Variants in LINGO2 observed in about 807,000 individuals in gnomAD.
LINGO2 encodes leucine-rich repeat and immunoglobulin-like domain-containing nogo receptor-interacting protein 2.
LINGO2 carries 14 observed loss-of-function variants against 30.6 expected under a neutral mutation model. The ratio of observed to expected loss-of-function variants is 0.46; its 90% CI spans 0.30 to 0.72. The LOEUF (loss-of-function observed/expected upper bound fraction) is 0.72. Ranked by LOEUF, LINGO2 falls within the 30% of genes least tolerant of loss-of-function variation. LINGO2 has a pLI of 0.07. For synonymous variants in LINGO2, 317 were observed against 288.5 expected (o/e 1.10, Z -1.00); for missense variants, 729 against 751.7 (o/e 0.97, Z 0.35).
intron 2 of LINGO2, among the ~76,000 whole-genome samples, chr9:28,450,853 T>A (rs1824620816): frequency 6.6e-6 from 1 of 151,938 alleles, no homozygotes; most frequent in African/African-American, 2.4e-5. Context: ...ATTATAAAAA[T>A]AAAAGTTAAA....
At chr9:28,691,249 G>T in the LINGO2 span, among the ~76,000 whole-genome samples, 1 of 152,154 alleles carries the variant, frequency 6.6e-6, no homozygotes, top group African/African-American at 2.4e-5. Flanking sequence ...TAAACTGTAT[G>T]ATGTCAATTT....
chr9:29,067,596 A>T, the LINGO2 span, among the ~76,000 whole-genome samples: 10 of 151,764 alleles, frequency 6.6e-5, no homozygotes, highest in East Asian at 1.2e-3. Flanking sequence ...TAAAATTTTT[A>T]AATTAGAAAA....
chr9:28,873,405 A>G, the LINGO2 span, among the ~76,000 whole-genome samples: 1 of 150,272 alleles, frequency 6.7e-6, no homozygotes, highest in Admixed American at 6.6e-5. Context: ...AAAAAAAAAA[A>G]GAAACTATTT....
chr9:29,168,027 T>C, the LINGO2 span, among the ~76,000 whole-genome samples: 5,049 of 152,158 alleles, frequency 0.033, 267 homozygotes, highest in African/African-American at 0.11. Flanking sequence ...CACTAGTACA[T>C]TGTTATTGTT....
chr9:29,134,453 A>AT, the LINGO2 span, among the ~76,000 whole-genome samples: 1 of 151,656 alleles, frequency 6.6e-6, no homozygotes, highest in Non-Finnish European at 1.5e-5. Flanking sequence ...TAACCATGTG[A>AT]TTTTTTTTAT....
At chr9:28,141,936 A>G (rs1827684258) in intron 4 of LINGO2, among the ~76,000 whole-genome samples, 1 of 152,170 alleles carries the variant, frequency 6.6e-6, no homozygotes. Context: ...TCTTAGCTAG[A>G]ATTGTTAACT....
At chr9:28,663,539 A>T (rs1005247415) in intron 1 of LINGO2, among the ~76,000 whole-genome samples, 5 of 152,162 alleles carry the variant, frequency 3.3e-5, no homozygotes, top group African/African-American at 1.2e-4. Flanking sequence ...GCAAACAACA[A>T]TTCACTGCAA....
intron 3 of LINGO2, among the ~76,000 whole-genome samples, chr9:28,366,436 T>C (rs1820681154): frequency 6.6e-6 from 1 of 152,208 alleles, no homozygotes; most frequent in Non-Finnish European, 1.5e-5. Flanking sequence ...TCTTGAACCT[T>C]TCAGCTCATG....
At chr9:28,039,028 A>C (rs904720688) in intron 4 of LINGO2, among the ~76,000 whole-genome samples, 2 of 152,188 alleles carry the variant, frequency 1.3e-5, no homozygotes, top group South Asian at 2.1e-4. Context: ...TGGCAAGGAA[A>C]GATCTTCCTT....
At chr9:28,998,958 C>T in the LINGO2 span, among the ~76,000 whole-genome samples, 3 of 152,068 alleles carry the variant, frequency 2.0e-5, no homozygotes, top group Non-Finnish European at 2.9e-5. Context: ...TAATCACAGG[C>T]CAGTTTTAAA....
At chr9:28,423,335 C>A (rs972465769) in intron 2 of LINGO2, among the ~76,000 whole-genome samples, 1 of 151,716 alleles carries the variant, frequency 6.6e-6, no homozygotes, top group Non-Finnish European at 1.5e-5. Flanking sequence ...CACTCTAGGT[C>A]TAAGAAATAA....
At chr9:28,452,376 AC>A (rs1195133723) in intron 2 of LINGO2, among the ~76,000 whole-genome samples, 1 of 151,826 alleles carries the variant, frequency 6.6e-6, no homozygotes, top group African/African-American at 2.4e-5. Context: ...CATGTGTGAA[AC>A]ATGTATTTCA....
chr9:28,998,644 AC>A, the LINGO2 span, among the ~76,000 whole-genome samples: 1 of 152,122 alleles, frequency 6.6e-6, no homozygotes, highest in African/African-American at 2.4e-5. Flanking sequence ...AGGAAAGTGT[AC>A]TTTCCTAGTC....
chr9:28,633,389 C>T (rs372867332), intron 1 of LINGO2, among the ~76,000 whole-genome samples: 8 of 152,144 alleles, frequency 5.3e-5, no homozygotes, highest in African/African-American at 1.7e-4. Flanking sequence ...GTGTAAAGCC[C>T]TAGCTCCAGA....
At chr9:29,151,383 G>A in the LINGO2 span, among the ~76,000 whole-genome samples, 1 of 152,046 alleles carries the variant, frequency 6.6e-6, no homozygotes, top group Non-Finnish European at 1.5e-5. Flanking sequence ...AATATGACAG[G>A]ATCAAAAGCT....
At chr9:29,111,015 T>C in the LINGO2 span, among the ~76,000 whole-genome samples, 1 of 152,214 alleles carries the variant, frequency 6.6e-6, no homozygotes, top group Non-Finnish European at 1.5e-5. Flanking sequence ...AAAAATAAGT[T>C]ACTAAGCAAA....
chr9:28,150,060 T>C (rs1827952663), intron 4 of LINGO2, among the ~76,000 whole-genome samples: 1 of 151,526 alleles, frequency 6.6e-6, no homozygotes, highest in African/African-American at 2.4e-5. Context: ...GAGGAGCGCC[T>C]CTGCCTGGCC....
chr9:28,300,434 C>A (rs768534162), intron 3 of LINGO2, among the ~76,000 whole-genome samples: 1 of 152,094 alleles, frequency 6.6e-6, no homozygotes, highest in Non-Finnish European at 1.5e-5. Context: ...TTTTTGTCTT[C>A]GCTCAAAGAT....
chr9:28,049,217 G>GTGTT (rs1387212334), intron 4 of LINGO2, among the ~76,000 whole-genome samples: 1 of 150,732 alleles, frequency 6.6e-6, no homozygotes, highest in Non-Finnish European at 1.5e-5. Context: ...CACCCAGCAT[G>GTGTT]TGTTTACTGA....
Sources: gnomAD v4.1 joint callset for allele counts (sites outside exome capture counted in the v4.1 genomes callset) on GRCh38, gnomAD v4.1.1 for gene constraint, MANE v1.5 for transcripts, NCBI Gene and HGNC (gene_info 2026-07-23, HGNC 2026-07-21) for gene names.